The following OR9Q1 variants were observed in gnomAD, a reference collection of about 807,000 sequenced individuals.
OR9Q1 encodes olfactory receptor family 9 subfamily Q member 1, also known as olfactory receptor 9Q1.
For missense variants in OR9Q1, 374 were observed against 378.8 expected (o/e 0.99, Z 0.11); for synonymous variants, 153 against 148.6 (o/e 1.03, Z -0.22).
chr11:58,133,686 A>G (rs1029468317), intron 2 of OR9Q1, among the ~76,000 whole-genome samples: 3 of 152,204 alleles, frequency 2.0e-5, no homozygotes, highest in Non-Finnish European at 4.4e-5. Flanking sequence ...ACATGTAATT[A>G]GTTACATTGA....
intron 2 of OR9Q1, among the ~76,000 whole-genome samples, chr11:58,169,629 C>G (rs1372687274): frequency 6.6e-6 from 1 of 152,136 alleles, no homozygotes; most frequent in Non-Finnish European, 1.5e-5. Flanking sequence ...CAAAGCAACT[C>G]ACTTTCAGTT....
At chr11:58,048,803 G>T in intron 1 of OR9Q1, among the ~76,000 whole-genome samples, 1 of 126,754 alleles carries the variant, frequency 7.9e-6, no homozygotes, top group Non-Finnish European at 1.6e-5. Flanking sequence ...TGCCATCAGA[G>T]AATACTACAA....
chr11:58,047,222 C>G (rs1853226180), intron 1 of OR9Q1: 1 of 152,040 alleles, frequency 6.6e-6, no homozygotes, highest in African/African-American at 2.4e-5. Context: ...CTTTTTGACC[C>G]AGTATCCTAA....
At chr11:58,063,848 A>G (rs547598454) in intron 2 of OR9Q1, among the ~76,000 whole-genome samples, 2 of 152,366 alleles carry the variant, frequency 1.3e-5, no homozygotes. Context: ...ACTGAAGATC[A>G]TACTGAAATC....
chr11:58,152,622 CTG>C (rs1036865838), intron 2 of OR9Q1, among the ~76,000 whole-genome samples: 4 of 145,394 alleles, frequency 2.8e-5, no homozygotes, highest in Non-Finnish European at 5.9e-5. Context: ...AGTCCTTTGT[CTG>C]TCATTTGTAT....
chr11:58,156,038 G>A (rs1311645854), intron 2 of OR9Q1, among the ~76,000 whole-genome samples: 3 of 151,154 alleles, frequency 2.0e-5, no homozygotes, highest in Admixed American at 6.6e-5. Flanking sequence ...TCAGCCTCCC[G>A]AGTAGCTGGG....
At chr11:58,071,513 G>A (rs976190096) in intron 2 of OR9Q1, among the ~76,000 whole-genome samples, 10 of 151,686 alleles carry the variant, frequency 6.6e-5, no homozygotes, top group Middle Eastern at 3.4e-3. Context: ...AAAGAAGCCA[G>A]CCAGACTTGT....
chr11:58,095,274 A>C (rs1373497407), intron 2 of OR9Q1, among the ~76,000 whole-genome samples: 1 of 152,250 alleles, frequency 6.6e-6, no homozygotes, highest in Non-Finnish European at 1.5e-5. Flanking sequence ...GGCATGGGCC[A>C]TAATACAACT....
At chr11:58,083,339 T>C (rs1853606940) in intron 2 of OR9Q1, among the ~76,000 whole-genome samples, 1 of 152,042 alleles carries the variant, frequency 6.6e-6, no homozygotes, top group Non-Finnish European at 1.5e-5. Context: ...CTTGTTGATT[T>C]CTGTTCCTTA....
chr11:58,026,012 T>A (rs1366674457), intron 1 of OR9Q1, among the ~76,000 whole-genome samples: 1 of 152,210 alleles, frequency 6.6e-6, no homozygotes, highest in Non-Finnish European at 1.5e-5. Context: ...TGTCCTGTCT[T>A]CCTTGTATGC....
chr11:58,046,213 C>T (rs1038149944), intron 1 of OR9Q1, among the ~76,000 whole-genome samples: 2 of 152,114 alleles, frequency 1.3e-5, no homozygotes, highest in Non-Finnish European at 2.9e-5. Context: ...GCCTGTGGGG[C>T]GACAATGCTA....
At position 58,143,684 on chromosome 11, in the gene OR9Q1, A is replaced by T. The variant is rs549480943; in HGVS notation, c.-14-35747A>T. The stretch of plus-strand genomic sequence containing the variant: ...ATGGACACAGGGAGGGAAACAACAC[A>T]TACTGGGGCCTGTTGGGGAAGGGCT... On this transcript the variant is annotated intron_variant, in intron 2 of 2. Transcript: ENST00000335397. Among the ~76,000 whole-genome samples the T allele has an allele frequency of 2.6e-5, 4 of 152,218 alleles. No homozygotes were observed. In the East Asian group the frequency reaches 7.7e-4, roughly 29 times the overall value.
intron 2 of OR9Q1, among the ~76,000 whole-genome samples, chr11:58,167,668 G>A (rs1327065399): frequency 2.0e-5 from 3 of 152,154 alleles, no homozygotes; most frequent in Non-Finnish European, 4.4e-5. Flanking sequence ...GTTGGGGCTT[G>A]GCAAGGTTTT....
At chr11:58,097,815 A>T (rs1346299634) in intron 2 of OR9Q1, among the ~76,000 whole-genome samples, 1 of 152,254 alleles carries the variant, frequency 6.6e-6, no homozygotes, top group Non-Finnish European at 1.5e-5. Context: ...ACATGGATAA[A>T]TCCCAAGATA....
chr11:58,165,803 G>T (rs1352796469), intron 2 of OR9Q1, among the ~76,000 whole-genome samples: 2 of 152,102 alleles, frequency 1.3e-5, no homozygotes, highest in African/African-American at 4.8e-5. Context: ...GACATTTCCC[G>T]CTCCCAAGTA....
At chr11:58,148,653 G>T (rs979766698) in intron 2 of OR9Q1, among the ~76,000 whole-genome samples, 7 of 152,136 alleles carry the variant, frequency 4.6e-5, no homozygotes, top group Non-Finnish European at 8.8e-5. Flanking sequence ...TGGTTTGAAG[G>T]TTTTTCCTGG....
intron 2 of OR9Q1, among the ~76,000 whole-genome samples, chr11:58,067,427 C>T (rs1853441152): frequency 6.6e-6 from 1 of 152,172 alleles, no homozygotes; most frequent in Non-Finnish European, 1.5e-5. Context: ...CCTCAGTTTC[C>T]CTCTCTGTGA....
intron 2 of OR9Q1, among the ~76,000 whole-genome samples, chr11:58,155,329 A>C (rs1013683895): frequency 6.6e-6 from 1 of 152,212 alleles, no homozygotes; most frequent in Admixed American, 6.5e-5. Flanking sequence ...GCAGAAAAAA[A>C]TACCTTGACG....
chr11:58,136,525 G>T (rs1854190708), intron 2 of OR9Q1, among the ~76,000 whole-genome samples: 1 of 152,154 alleles, frequency 6.6e-6, no homozygotes, highest in East Asian at 1.9e-4. Context: ...ATTTTGAGGA[G>T]ATACTGTTTG....
Sources: gnomAD v4.1 joint callset for allele counts (sites outside exome capture counted in the v4.1 genomes callset) on GRCh38, gnomAD v4.1.1 for gene constraint, MANE v1.5 for transcripts, NCBI Gene and HGNC (gene_info 2026-07-23, HGNC 2026-07-21) for gene names.